Variants in TEX9 observed in about 807,000 individuals in gnomAD.
The protein encoded by TEX9 is testis-expressed protein 9.
Under a neutral mutation model 59.6 loss-of-function variants are expected in TEX9, and 74 were observed. The ratio of observed to expected loss-of-function variants is 1.24; its 90% CI spans 1.03 to 1.51. The LOEUF (loss-of-function observed/expected upper bound fraction) is 1.51, where lower values mean the gene tolerates loss of function less well. TEX9 is among the 40% of genes most tolerant of loss of function. The probability of loss-of-function intolerance (pLI) is 0.00; values close to 1 mark genes in which losing one functional copy is unlikely to be tolerated. For missense variants in TEX9, 522 were observed against 447.8 expected (o/e 1.17, Z -1.49); for synonymous variants, 186 against 152.2 (o/e 1.22, Z -1.64).
chr15:56,352,308 G>C (rs188773989), intron 1 of TEX9, among the ~76,000 whole-genome samples: 5 of 152,094 alleles, frequency 3.3e-5, no homozygotes, highest in Admixed American at 3.3e-4. Flanking sequence ...GCAATGGCGC[G>C]ATCTTAACTC....
chr15:56,404,890 C>T (rs1190213985), intron 9 of TEX9, among the ~76,000 whole-genome samples: 1 of 152,062 alleles, frequency 6.6e-6, no homozygotes, highest in Non-Finnish European at 1.5e-5. Flanking sequence ...GGACAGAAAA[C>T]CAAACACCGC....
At chr15:56,276,215 G>C (rs550021658) in intron 1 of TEX9, among the ~76,000 whole-genome samples, 1 of 151,972 alleles carries the variant, frequency 6.6e-6, no homozygotes, top group East Asian at 1.9e-4. Flanking sequence ...TGAATGTGCA[G>C]GTTTGTTACA....
At chr15:56,384,931 A>G (rs2044501172) in intron 4 of TEX9, among the ~76,000 whole-genome samples, 1 of 152,192 alleles carries the variant, frequency 6.6e-6, no homozygotes, top group African/African-American at 2.4e-5. Context: ...TGATTATCTA[A>G]TTCAGAGTCA....
intron 1 of TEX9, among the ~76,000 whole-genome samples, chr15:56,279,067 A>G (rs1294730711): frequency 1.3e-5 from 2 of 152,142 alleles, no homozygotes; most frequent in African/African-American, 4.8e-5. Flanking sequence ...TGACATTTTA[A>G]ATTTACTCAC....
intron 1 of TEX9, among the ~76,000 whole-genome samples, chr15:56,301,556 T>A (rs2045360755): frequency 6.7e-6 from 1 of 149,556 alleles, no homozygotes; most frequent in Non-Finnish European, 1.5e-5. Flanking sequence ...GAAAAAAAAA[T>A]GAAGAACATA....
intron 6 of TEX9, among the ~76,000 whole-genome samples, chr15:56,389,970 C>T (rs139004253): frequency 0.013 from 2,016 of 152,028 alleles, 17 homozygotes; most frequent in Non-Finnish European, 0.019. Context: ...GTTGCACCAA[C>T]CATCTTCAGT....
chr15:56,341,503 C>T (rs1390111205), intron 1 of TEX9, among the ~76,000 whole-genome samples: 2 of 152,148 alleles, frequency 1.3e-5, no homozygotes, highest in Admixed American at 6.6e-5. Flanking sequence ...GCTTCTACCC[C>T]ATACCTAATA....
intron 1 of TEX9, among the ~76,000 whole-genome samples, chr15:56,275,111 C>T (rs528860482): frequency 6.6e-6 from 1 of 152,274 alleles, no homozygotes; most frequent in East Asian, 1.9e-4. Flanking sequence ...GTGGTGCTTT[C>T]TTAATCCTTT....
chr15:56,411,409 G>A (rs1446080973), intron 9 of TEX9, among the ~76,000 whole-genome samples: 1 of 152,198 alleles, frequency 6.6e-6, no homozygotes, highest in Non-Finnish European at 1.5e-5. Context: ...AAGCTTTGAA[G>A]AGGGTACTTA....
chr15:56,336,170 C>A (rs1341500026), intron 1 of TEX9, among the ~76,000 whole-genome samples: 2 of 152,126 alleles, frequency 1.3e-5, no homozygotes, highest in African/African-American at 4.8e-5. Context: ...CCCATAATCT[C>A]AACTTGTTCA....
rs1320222070 is a variant in TEX9 at position 56,427,832 on chromosome 15, C to T, written c.1098+93C>T. The T allele has an allele frequency of 5.3e-6, 5 of 935,256 alleles. No individual in the cohort carries two copies. The East Asian group carries it at 8.9e-5, about 17-fold the overall frequency. The allele number at this position is 935,256 out of a possible 1,614,324, so 57.9% of individuals were successfully genotyped here. ...TTCACTTTAGGTATGTTTTTGACAT[C>T]TTTACGCACTGAACTTCATATAAAA... On this transcript the variant is annotated intron_variant, in intron 11 of 12. Coordinates refer to ENST00000352903, the Ensembl canonical transcript of TEX9.
intron 1 of TEX9, among the ~76,000 whole-genome samples, chr15:56,273,655 G>A (rs2044602067): frequency 6.6e-6 from 1 of 151,956 alleles, no homozygotes; most frequent in Non-Finnish European, 1.5e-5. Flanking sequence ...GTTTATTTTT[G>A]TCTGAAAGTC....
chr15:56,347,203 A>G (rs185585766), intron 1 of TEX9, among the ~76,000 whole-genome samples: 1 of 152,360 alleles, frequency 6.6e-6, no homozygotes, highest in Admixed American at 6.5e-5. Context: ...AATCCCAGCA[A>G]GTTGTTTTGT....
At chr15:56,268,483 T>C (rs1477020911) in intron 1 of TEX9, among the ~76,000 whole-genome samples, 1 of 152,230 alleles carries the variant, frequency 6.6e-6, no homozygotes, top group Non-Finnish European at 1.5e-5. Flanking sequence ...GCTCTTATTA[T>C]TTTGAGATAC....
At chr15:56,449,322 C>CTTTTTTTTTTTTTTTTTTTTTTTT (rs576363039), downstream of TEX9, among the ~76,000 whole-genome samples, 15 of 151,230 alleles carry the variant, frequency 9.9e-5, no homozygotes, top group African/African-American at 3.2e-4. Flanking sequence ...TTGCTACACT[C>CTTTTTTTTTTTTTTTTTTTTTTTT]TTTTTATTAA....
intron 10 of TEX9, among the ~76,000 whole-genome samples, chr15:56,418,240 G>A (rs1377373767): frequency 6.6e-6 from 1 of 151,734 alleles, no homozygotes; most frequent in East Asian, 1.9e-4. Flanking sequence ...CTGGTTATTA[G>A]GTTGACTTGT....
At chr15:56,435,237 C>T (rs1306360730) in intron 12 of TEX9, among the ~76,000 whole-genome samples, 7 of 151,636 alleles carry the variant, frequency 4.6e-5, no homozygotes, top group Non-Finnish European at 1.0e-4. Context: ...AGTCTCAAAT[C>T]GATAATCTAA....
chr15:56,249,296 A>G (rs2043949848), intron 1 of TEX9, among the ~76,000 whole-genome samples: 1 of 152,144 alleles, frequency 6.6e-6, no homozygotes, highest in African/African-American at 2.4e-5. Context: ...CACCATTCAC[A>G]TTTTAAATGA....
At chr15:56,322,794 T>A (rs2141705780) in intron 1 of TEX9, among the ~76,000 whole-genome samples, 1 of 152,202 alleles carries the variant, frequency 6.6e-6, no homozygotes, top group African/African-American at 2.4e-5. Context: ...TTACTGTAAT[T>A]CACACTAAGG....
Sources: allele counts gnomAD v4.1 joint callset (sites outside exome capture counted in the v4.1 genomes callset), GRCh38; gene constraint gnomAD v4.1.1; transcripts MANE v1.5; gene names NCBI Gene and HGNC (gene_info 2026-07-23, HGNC 2026-07-21).